Variants in ORC1 observed in about 807,000 individuals in gnomAD.
ORC1 encodes the protein origin recognition complex subunit 1.
A neutral mutation model predicts 98.9 loss-of-function variants in ORC1; 61 were observed. That is an observed-to-expected ratio of 0.62 (90% CI 0.50 to 0.76). ORC1 has a LOEUF of 0.76. ORC1 is among the 30% of genes least tolerant of loss of function. The probability of loss-of-function intolerance (pLI) is 0.00; values close to 1 mark genes in which losing one functional copy is unlikely to be tolerated. For missense variants in ORC1, 979 were observed against 1,072.2 expected, an observed-to-expected ratio of 0.91 and a Z score of 1.21; for synonymous variants, 385 against 406.9, an observed-to-expected ratio of 0.95 and a Z score of 0.65.
At chr1:52,374,640 T>C (rs1022469071) in intron 16 of ORC1, among the ~76,000 whole-genome samples, 170 bp downstream of exon 16, 34 of 152,232 alleles carry the variant, frequency 2.2e-4, no homozygotes, top group African/African-American at 8.2e-4. Flanking sequence ...GCTAAAGGTC[T>C]CTTCTCATGC....
intron 16 of ORC1, among the ~76,000 whole-genome samples, chr1:52,374,563 T>C (rs1031767368): frequency 2.6e-5 from 4 of 152,244 alleles, no homozygotes; most frequent in Admixed American, 1.3e-4. Context: ...AGTAACTTTG[T>C]CTTGTTCCTC....
chr1:52,401,174 G>A (rs913970901), intron 3 of ORC1, among the ~76,000 whole-genome samples, 188 bp downstream of exon 3: 7 of 151,490 alleles, frequency 4.6e-5, no homozygotes, highest in Admixed American at 6.6e-5. Flanking sequence ...TTCCAGTTCC[G>A]TTTTACTCAA....
chr1:52,380,794 ACT>A (rs892349255), intron 14 of ORC1, among the ~76,000 whole-genome samples: 6 of 151,774 alleles, frequency 4.0e-5, no homozygotes, highest in Non-Finnish European at 7.4e-5. Flanking sequence ...AAAGTGAAAA[ACT>A]CTACCCATAA....
At chr1:52,382,470 C>G (rs1423116697) in intron 13 of ORC1, among the ~76,000 whole-genome samples, 1 of 152,100 alleles carries the variant, frequency 6.6e-6, no homozygotes, top group Non-Finnish European at 1.5e-5. Flanking sequence ...CATTGCGCTT[C>G]CTGCTGAACT....
chr1:52,397,641 G>A (rs1647467300), intron 4 of ORC1, 44 bp downstream of exon 4: 1 of 1,590,796 alleles, frequency 6.3e-7, no homozygotes, highest in East Asian at 2.2e-5. Flanking sequence ...GAGGCAGACA[G>A]AAATAAGCTT....
At chr1:52,403,852 G>A (rs1291680248) in intron 1 of ORC1, among the ~76,000 whole-genome samples, 1 of 152,140 alleles carries the variant, frequency 6.6e-6, no homozygotes, top group African/African-American at 2.4e-5. Flanking sequence ...CGTAAAATGG[G>A]GTAATAACCT....
At position 52,401,029 on chromosome 1, in the gene ORC1, T is replaced by G. The variant is rs532873789; in HGVS notation, c.223+333A>C. The stretch of plus-strand genomic sequence containing the variant: ...TCATGCCAAAACTAAAGGACACATC[T>G]CTATGATAGTACAAATTACCTGTTT... On this transcript the variant is annotated intron_variant, in intron 3 of 16. Transcript: ENST00000371568. Among the ~76,000 whole-genome samples the G allele has an allele frequency of 2.0e-5, 3 of 152,286 alleles. No homozygotes were observed. The South Asian group carries it at 6.2e-4, about 32-fold the overall frequency.
At chr1:52,404,829 C>T, upstream of ORC1, 1 of 1,614,212 alleles carries the variant, frequency 6.2e-7, no homozygotes, top group African/African-American at 1.3e-5. Flanking sequence ...ATCATTCGAA[C>T]GCGAATCTAT....
At chr1:52,393,895 T>C (rs368930990) in intron 5 of ORC1, 92 bp from the exon 6 acceptor site, 69 of 1,324,868 alleles carry the variant, frequency 5.2e-5, no homozygotes, top group South Asian at 4.7e-4. Context: ...CTGAGTTATA[T>C]GTAAAACAGG....
intron 3 of ORC1, among the ~76,000 whole-genome samples, chr1:52,399,031 C>T (rs996134074): frequency 3.3e-5 from 5 of 152,170 alleles, no homozygotes; most frequent in African/African-American, 1.2e-4. Flanking sequence ...CCCACACACC[C>T]GCTCTTCTGG....
At position 52,381,797 on chromosome 1, in the gene ORC1, G is replaced by T; in HGVS notation, c.2014-36C>A. 1.9e-6 allele frequency: 3 copies of T among 1,610,124 alleles called. No homozygotes were observed. In the South Asian group the frequency reaches 3.3e-5, roughly 18 times the overall value. ...AAAATGACAGAGGAATAAGTTGGTTGACTGCCCAGTGATTATCCAGGTGGA... is the reference window on the plus strand; with the variant it reads ...AAAATGACAGAGGAATAAGTTGGTTTACTGCCCAGTGATTATCCAGGTGGA... On this transcript the variant is annotated intron_variant, in intron 13 of 16. Transcript: ENST00000371568.
Position 52,385,186 on chromosome 1 carries a change from T to G in ORC1, c.1558A>C (p.Ser520Arg). The G allele has an allele frequency of 6.2e-7, 1 of 1,613,758 alleles. No individual in the cohort carries two copies. The highest frequency in any genetic ancestry group is 1.1e-5 in the South Asian group (1 of 91,072). The change falls in exon 10 of 17, where the codon AGC becomes CGC. Residue 520 changes from serine (S) to arginine (R), a missense_variant. Physicochemically the swap from Ser to Arg is moderately radical, Grantham distance 110. Transcript: ENST00000371568. ...EFQDIYNFVE[S>R]KLLDHTGGCM... ...CCTCCGGTATGGTCAAGGAGTTTGC[T>G]TTCCACAAAATTGTAGATGTCTTGG...
Position 52,381,637 on chromosome 1 carries a change from C to G in ORC1, c.2133+5G>C. 1.2e-6 allele frequency: 2 copies of G among 1,612,160 alleles called. No homozygotes were observed. ...ACTGATTTATGGGTGCAGCTGGTGA[C>G]TTACCTTCCTGGCTACCAGCTGGAT... On this transcript the variant is annotated splice_donor_5th_base_variant and intron_variant, in intron 14 of 16. Coordinates refer to ENST00000371568, the MANE Select transcript of ORC1 (RefSeq NM_004153.4).
upstream of ORC1, chr1:52,404,580 A>G: frequency 1.6e-6 from 1 of 606,376 alleles, no homozygotes; most frequent in Non-Finnish European, 2.8e-6. Context: ...TCGATAGGCG[A>G]CGCGGGGAGC....
In ORC1 at chr1:52,373,108, G is replaced by A; in HGVS notation, c.*73C>T. 3.4e-6 allele frequency: 5 copies of A among 1,482,616 alleles called. No homozygotes were observed. The South Asian group carries it at 5.7e-5, about 17-fold the overall frequency. The allele number at this position is 1,482,616 out of a possible 1,614,324, so 91.8% of individuals were successfully genotyped here. On this transcript the variant is annotated 3_prime_UTR_variant, in exon 17 of 17. Transcript: ENST00000371568. ...GATCGTGCCACTGCACTCCAGCCTG[G>A]GCGACAGAGCAAGACCCTGTCTCAA...
chr1:52,405,864 T>A, upstream of ORC1: 4 of 1,604,374 alleles, frequency 2.5e-6, no homozygotes, highest in Non-Finnish European at 3.4e-6. Context: ...CACTAGCTAA[T>A]ATAAGAGGTT....
At chr1:52,392,246 C>A (rs1441860910) in intron 6 of ORC1, among the ~76,000 whole-genome samples, 1 of 152,010 alleles carries the variant, frequency 6.6e-6, no homozygotes, top group Non-Finnish European at 1.5e-5. Context: ...TCTCCTGCCT[C>A]AGCCTCCCAA....
intron 8 of ORC1, 55 bp from the exon 9 acceptor site, chr1:52,386,004 G>A (rs1407412553): frequency 1.6e-6 from 2 of 1,248,664 alleles, no homozygotes; most frequent in African/African-American, 3.0e-5. Flanking sequence ...CACCATCCAG[G>A]ACACACCAGC....
intron 16 of ORC1, 53 bp from the exon 17 acceptor site, chr1:52,373,428 T>C: frequency 6.9e-7 from 1 of 1,458,796 alleles, no homozygotes; most frequent in Admixed American, 1.7e-5. Flanking sequence ...CCTGGGGCTT[T>C]TTCTGTTCCT....
Sources: gnomAD v4.1 joint callset for allele counts (sites outside exome capture counted in the v4.1 genomes callset) on GRCh38, gnomAD v4.1.1 for gene constraint, MANE v1.5 for transcripts, NCBI Gene and HGNC (gene_info 2026-07-23, HGNC 2026-07-21) for gene names.